The following TTC34 variants were observed in gnomAD, a reference collection of about 807,000 sequenced individuals.
TTC34 encodes the protein tetratricopeptide repeat domain 34, also known as tetratricopeptide repeat protein 34.
A neutral mutation model predicts 40.7 loss-of-function variants in TTC34; 44 were observed. The observed-to-expected ratio is 1.08, with a 90% confidence interval of 0.85 to 1.39. TTC34 has a LOEUF of 1.39. Among genes scored for constraint, TTC34 ranks in the 40% most tolerant of loss-of-function variants. The pLI, the probability that TTC34 is intolerant of heterozygous loss-of-function variation, is 0.00. For missense variants in TTC34, 884 were observed against 838.0 expected, an observed-to-expected ratio of 1.05 and a Z score of -0.68; for synonymous variants, 422 against 398.6, an observed-to-expected ratio of 1.06 and a Z score of -0.70.
At chr1:2,776,304 C>A (rs1643155790) in intron 6 of TTC34, 1 of 125,722 alleles carries the variant, frequency 8.0e-6, no homozygotes, top group South Asian at 2.8e-4. Flanking sequence ...AAGATTCCAA[C>A]AGCATGGAAC....
rs1403659872 is a variant in TTC34, at chr1:2,768,090, A to G, written c.2226+15519T>C. 5.3e-5 allele frequency among the ~76,000 whole-genome samples: 8 copies of G among 151,484 alleles called. 1 individual carries two copies. The highest frequency in any genetic ancestry group is 1.3e-4 in the Admixed American group (2 of 15,230). ...GCCAGGAACGGCAACCCACATCCCC[A>G]GGTAAGTGTCTGACAGCCTAGAGCG... On this transcript the variant is annotated intron_variant, in intron 6 of 8. Coordinates refer to ENST00000401095, the Ensembl canonical transcript of TTC34.
chr1:2,692,513 G>A (rs549428729), intron 6 of TTC34, among the ~76,000 whole-genome samples: 591 of 9,682 alleles, frequency 0.061, 28 homozygotes, highest in Middle Eastern at 0.12. Context: ...ACCCCCAGGT[G>A]TGCACGTGAC....
chr1:2,771,463 A>C lies in TTC34; in HGVS notation c.2226+12146T>G, dbSNP rs1359096287. Among the ~76,000 whole-genome samples, 2 of 80,494 alleles carry C rather than the reference A, an allele frequency of 2.5e-5. 1 individual carries two copies. The highest frequency in any genetic ancestry group is 4.5e-5 in the Non-Finnish European group (2 of 44,904). The allele number at this position is 80,494 out of a possible 152,430, so 52.8% of individuals were successfully genotyped here. A position where few individuals can be genotyped will look rare whatever the true frequency, so the allele number is the denominator to read the frequency against. On this transcript the variant is annotated intron_variant, in intron 6 of 8. Coordinates refer to ENST00000401095, the Ensembl canonical transcript of TTC34. ...CTGCAACCCCAGGTGAGCATCTGAC[A>C]GTCTGGAACAGCATCCACACCCCCA...
At chr1:2,782,516 C>CTG (rs1553170178) in intron 6 of TTC34, among the ~76,000 whole-genome samples, 1 of 151,366 alleles carries the variant, frequency 6.6e-6, no homozygotes, top group Non-Finnish European at 1.5e-5. Context: ...TTTTCTCTCT[C>CTG]TCTTTCTTTC....
chr1:2,749,746 A>T (rs1274712791), intron 6 of TTC34, among the ~76,000 whole-genome samples: 1 of 10,658 alleles, frequency 9.4e-5, no homozygotes, highest in Non-Finnish European at 1.8e-4. Context: ...CATCTGACAG[A>T]CTGGAACAGC....
intron 6 of TTC34, among the ~76,000 whole-genome samples, chr1:2,698,929 C>CT (rs1640996011): frequency 8.1e-6 from 1 of 123,902 alleles, no homozygotes; most frequent in Non-Finnish European, 1.8e-5. Flanking sequence ...GTATCCTGCA[C>CT]CCTCAGGTGA....
intron 6 of TTC34, among the ~76,000 whole-genome samples, chr1:2,673,756 AC>A (rs1293919328): frequency 6.6e-5 from 2 of 30,228 alleles, no homozygotes; most frequent in African/African-American, 1.4e-4. Flanking sequence ...CAGCACCCAC[AC>A]CCCCAGGTGA....
In TTC34 at chr1:2,749,603, C is replaced by A. The variant is rs1210180228; in HGVS notation, c.2226+34006G>T. Among the ~76,000 whole-genome samples, 547 of 56,480 alleles carry A rather than the reference C, an allele frequency of 9.7e-3. 2 individuals are homozygous for A. The highest frequency in any genetic ancestry group is 0.017 in the South Asian group (21 of 1,254). 37.1% of individuals were successfully genotyped at this position (56,480 alleles called of 152,430 possible). Reference sequence around the variant, plus strand: ...CCGACAGCCTGGAGCAGCACCCACACCCCCAGGTGTGCATGTGATGGTCTG... The same window carrying A: ...CCGACAGCCTGGAGCAGCACCCACAACCCCAGGTGTGCATGTGATGGTCTG... On this transcript the variant is annotated intron_variant, in intron 6 of 8. Coordinates refer to ENST00000401095, the Ensembl canonical transcript of TTC34.
chr1:2,641,228 G>A, exon 9 of TTC34: 1 of 928,784 alleles, frequency 1.1e-6, no homozygotes, highest in Non-Finnish European at 1.5e-6. Flanking sequence ...GGGTGTGTGG[G>A]GAGGGCTGGG....
At chr1:2,640,080 G>A (rs1445879888) in exon 9 of TTC34, 1 of 152,530 alleles carries the variant, frequency 6.6e-6, no homozygotes, top group East Asian at 1.9e-4. Flanking sequence ...ACCATGGAAG[G>A]AAGCGGCAGA....
At chr1:2,695,883 C>A (rs1298159041) in intron 6 of TTC34, among the ~76,000 whole-genome samples, 4,951 of 57,042 alleles carry the variant, frequency 0.087, 4 homozygotes, top group African/African-American at 0.11. Context: ...CACCCCGAGG[C>A]GAGCATCTGA....
chr1:2,795,902 G>A (rs1643706683), intron 2 of TTC34, among the ~76,000 whole-genome samples: 1 of 152,228 alleles, frequency 6.6e-6, no homozygotes, highest in African/African-American at 2.4e-5. Flanking sequence ...CCAGATTATA[G>A]AAGGGTTTTG....
intron 2 of TTC34, among the ~76,000 whole-genome samples, chr1:2,792,008 T>TTTTTG (rs1643668655): frequency 1.1e-5 from 1 of 92,310 alleles, no homozygotes; most frequent in South Asian, 3.7e-4. Context: ...GCCATATGCT[T>TTTTTG]TTTTTTTTTT....
intron 2 of TTC34, among the ~76,000 whole-genome samples, chr1:2,791,071 G>A (rs1643657310): frequency 6.6e-6 from 1 of 152,182 alleles, no homozygotes; most frequent in Non-Finnish European, 1.5e-5. Context: ...CTGGTGCATC[G>A]TGTGAGTCAG....
chr1:2,748,803 A>C (rs1384559951), intron 6 of TTC34, among the ~76,000 whole-genome samples: 118 of 87,214 alleles, frequency 1.4e-3, no homozygotes, highest in East Asian at 2.1e-3. Context: ...ACCCACACCC[A>C]CAGGCGAGCA....
chr1:2,637,986 G>A (rs1488620076), exon 9 of TTC34: 2 of 152,150 alleles, frequency 1.3e-5, no homozygotes, highest in African/African-American at 4.8e-5. Flanking sequence ...TGAACCCCCT[G>A]GTTCTCTGAG....
intron 6 of TTC34, among the ~76,000 whole-genome samples, chr1:2,649,045 A>G (rs1315438438): frequency 7.8e-6 from 1 of 127,866 alleles, no homozygotes; most frequent in Admixed American, 7.8e-5. Flanking sequence ...ACCCCCAACC[A>G]ACAGGTGAAA....
chr1:2,788,153 A>G (rs1325964151), intron 3 of TTC34, among the ~76,000 whole-genome samples: 1 of 152,222 alleles, frequency 6.6e-6, no homozygotes, highest in Non-Finnish European at 1.5e-5. Flanking sequence ...AAATTTGACA[A>G]TTTCCAGAGA....
At chr1:2,688,116 C>G (rs1422172268) in intron 6 of TTC34, among the ~76,000 whole-genome samples, 3 of 152,342 alleles carry the variant, frequency 2.0e-5, no homozygotes, top group African/African-American at 4.8e-5. Context: ...CAGCCTGGAA[C>G]AGCACCCACA....
Sources: gnomAD v4.1 joint callset for allele counts (sites outside exome capture counted in the v4.1 genomes callset) on GRCh38, gnomAD v4.1.1 for gene constraint, MANE v1.5 for transcripts, NCBI Gene and HGNC (gene_info 2026-07-23, HGNC 2026-07-21) for gene names.